Variants in ENAH observed in about 807,000 individuals in gnomAD.
ENAH encodes ENAH actin regulator, also known as protein enabled homolog.
ENAH carries 23 observed loss-of-function variants against 78.7 expected under a neutral mutation model. The observed-to-expected ratio is 0.29, with a 90% CI of 0.21 to 0.41. The LOEUF is 0.41. ENAH is among the 10% of genes least tolerant of loss of function. The probability of loss-of-function intolerance (pLI) is 1.00; values close to 1 mark genes in which losing one functional copy is unlikely to be tolerated. For synonymous variants in ENAH, 226 were observed against 241.0 expected (o/e 0.94, Z 0.58); for missense variants, 544 against 691.0 (o/e 0.79, Z 2.39).
At chr1:225,523,271 A>AT (rs1316722908) in intron 4 of ENAH, among the ~76,000 whole-genome samples, 1 of 151,624 alleles carries the variant, frequency 6.6e-6, no homozygotes, top group Non-Finnish European at 1.5e-5. Context: ...TCTCTAAGCA[A>AT]TACAATGCTT....
chr1:225,610,050 TA>T, intron 1 of ENAH, among the ~76,000 whole-genome samples: 1 of 152,234 alleles, frequency 6.6e-6, no homozygotes, highest in South Asian at 2.1e-4. Flanking sequence ...ATTAAATTTT[TA>T]AATCATGCTC....
intron 1 of ENAH, among the ~76,000 whole-genome samples, chr1:225,583,875 G>A (rs1347971407): frequency 2.0e-5 from 3 of 151,900 alleles, no homozygotes; most frequent in South Asian, 2.1e-4. Flanking sequence ...AATGTAGGCC[G>A]GGCACAGTGG....
intron 4 of ENAH, among the ~76,000 whole-genome samples, chr1:225,520,914 AAGGGAGGAAGGGAGGG>A (rs1176852871): frequency 2.0e-4 from 18 of 90,958 alleles, no homozygotes; most frequent in African/African-American, 4.8e-4. Context: ...GAAGGGAAGG[AAGGGAGGAAGGGAGGG>A]AGGGAGGGAG....
chr1:225,545,214 G>A lies in ENAH; in HGVS notation c.349+9692C>T, dbSNP rs184415181. ...TCTACATTGAAGAGACAGAAAATAT[G>A]GAATAATCAAGCCCATCTGACACAC... On this transcript the variant is annotated intron_variant, in intron 3 of 13. Transcript: ENST00000366843. 3.0e-3 allele frequency among the ~76,000 whole-genome samples: 456 copies of A among 152,244 alleles called. 1 individual carries two copies. Among genetic ancestry groups the A allele is most frequent in the Non-Finnish European group, 2.3e-3 (157 of 68,006 alleles).
chr1:225,634,653 T>C (rs1253880446), intron 1 of ENAH, among the ~76,000 whole-genome samples: 1 of 152,214 alleles, frequency 6.6e-6, no homozygotes, highest in Non-Finnish European at 1.5e-5. Context: ...ATTTCCCTAG[T>C]GTCATTTGAA....
In ENAH at chr1:225,582,551, G is replaced by A. The variant is rs2096824346; in HGVS notation, c.6-15137C>T. ...CAGACTTTCTAGCTTAAAGATAAAA[G>A]GATAGAGTTCAGGGCAATCCATAGC... On this transcript the variant is annotated intron_variant, in intron 1 of 13. Transcript: ENST00000366843. Among the ~76,000 whole-genome samples, 5 of 152,170 alleles carry A rather than the reference G, an allele frequency of 3.3e-5. No homozygotes were observed. The South Asian group carries it at 8.3e-4, about 25-fold the overall frequency.
chr1:225,550,628 G>A (rs1218360785), intron 3 of ENAH, among the ~76,000 whole-genome samples: 2 of 151,766 alleles, frequency 1.3e-5, no homozygotes, highest in Non-Finnish European at 2.9e-5. Context: ...CATACTGGAA[G>A]GTATGTCAGG....
At chr1:225,559,676 ACCAGCAATAT>A (rs1256758898) in intron 2 of ENAH, among the ~76,000 whole-genome samples, 1 of 152,172 alleles carries the variant, frequency 6.6e-6, no homozygotes, top group African/African-American at 2.4e-5. Flanking sequence ...AGTATACAGC[ACCAGCAATAT>A]CCCACAACTC....
At chr1:225,505,863 T>G (rs1648233513) in intron 11 of ENAH, among the ~76,000 whole-genome samples, 1 of 152,090 alleles carries the variant, frequency 6.6e-6, no homozygotes, top group Non-Finnish European at 1.5e-5. Flanking sequence ...GAAAACCACC[T>G]AACAGAATTG....
At position 225,517,323 on chromosome 1, in the gene ENAH, G is replaced by A. The variant is rs2096428495; in HGVS notation, c.803-17C>T. The A allele has an allele frequency of 6.4e-7, 1 of 1,551,774 alleles. No individual in the cohort carries two copies. Among genetic ancestry groups the A allele is most frequent in the South Asian group, 1.2e-5 (1 of 84,066 alleles). On this transcript the variant is annotated splice_polypyrimidine_tract_variant and intron_variant, in intron 5 of 13. Coordinates refer to ENST00000366843, the MANE Select transcript of ENAH (RefSeq NM_018212.6). ...CAGGGGCAGCTGCAGAGGGAGAAGG[G>A]AGAACACTAGGCTTGGATGAGGGAG... is the stretch of plus-strand genomic sequence containing the variant.
intron 1 of ENAH, among the ~76,000 whole-genome samples, chr1:225,644,339 C>A (rs1203148689): frequency 1.3e-5 from 2 of 151,932 alleles, no homozygotes; most frequent in African/African-American, 4.8e-5. Flanking sequence ...TGTGCAAAGA[C>A]CACAATTAAG....
chr1:225,604,869 C>A (rs2096949279), intron 1 of ENAH, among the ~76,000 whole-genome samples: 1 of 152,084 alleles, frequency 6.6e-6, no homozygotes, highest in Non-Finnish European at 1.5e-5. Flanking sequence ...AACATTAAAG[C>A]TAGCTAGTAA....
At chr1:225,591,817 T>G (rs554369086) in intron 1 of ENAH, among the ~76,000 whole-genome samples, 1 of 151,346 alleles carries the variant, frequency 6.6e-6, no homozygotes, top group East Asian at 1.9e-4. Context: ...TCTGAAATGT[T>G]TAACATCAGT....
At chr1:225,553,450 T>C (rs920027488) in intron 3 of ENAH, among the ~76,000 whole-genome samples, 1 of 152,136 alleles carries the variant, frequency 6.6e-6, no homozygotes, top group Admixed American at 6.6e-5. Context: ...GATACACTTT[T>C]GAAAGTTTAG....
rs371044396 is a variant in ENAH, at chr1:225,624,959, AACAGC to A, written c.5+27722_5+27726del. Reference sequence around the variant, plus strand: ...GCTCACCTAACCTGGTGGGATGTGAAACAGCTGACCCCTTAATGTGACAGATAGAG... The same window carrying A: ...GCTCACCTAACCTGGTGGGATGTGAATGACCCCTTAATGTGACAGATAGAG... On this transcript the variant is annotated intron_variant, in intron 1 of 13. Coordinates refer to ENST00000366843, the MANE Select transcript of ENAH (RefSeq NM_018212.6). Among the ~76,000 whole-genome samples the A allele has an allele frequency of 1.2e-3, 180 of 152,292 alleles. 2 individuals are homozygous for A. Among genetic ancestry groups the A allele is most frequent in the African/African-American group, 4.2e-3 (174 of 41,556 alleles).
intron 1 of ENAH, 67 bp downstream of exon 1, chr1:225,652,619 G>T: frequency 8.0e-7 from 1 of 1,251,220 alleles, no homozygotes. Flanking sequence ...CGGGGTCCGA[G>T]GAGAACGGGG....
intron 1 of ENAH, among the ~76,000 whole-genome samples, chr1:225,585,792 A>G (rs1389991035): frequency 1.3e-5 from 2 of 151,972 alleles, no homozygotes; most frequent in East Asian, 3.9e-4. Context: ...CTGTGTAAAA[A>G]ATAATAATAA....
chr1:225,631,332 T>C (rs1292912181), intron 1 of ENAH, among the ~76,000 whole-genome samples: 1 of 151,774 alleles, frequency 6.6e-6, no homozygotes, highest in Non-Finnish European at 1.5e-5. Context: ...TCCCAGCACT[T>C]TGGGAGGCGC....
At chr1:225,606,998 C>T (rs1575696535) in intron 1 of ENAH, among the ~76,000 whole-genome samples, 1 of 152,038 alleles carries the variant, frequency 6.6e-6, no homozygotes, top group African/African-American at 2.4e-5. Flanking sequence ...CTGTGAAGGC[C>T]TCACCACAAT....
Sources: gnomAD v4.1 joint callset for allele counts (sites outside exome capture counted in the v4.1 genomes callset) on GRCh38, gnomAD v4.1.1 for gene constraint, MANE v1.5 for transcripts, NCBI Gene and HGNC (gene_info 2026-07-23, HGNC 2026-07-21) for gene names.